Variants in ZPBP observed in about 807,000 individuals in gnomAD.
ZPBP encodes zona pellucida binding protein.
A neutral mutation model predicts 44.8 loss-of-function variants in ZPBP; 26 were observed. The ratio of observed to expected loss-of-function variants is 0.58; its 90% CI spans 0.43 to 0.81. The LOEUF is 0.81. Ranked by LOEUF, ZPBP falls within the 30% of genes least tolerant of loss-of-function variation. ZPBP has a pLI of 0.00. For synonymous variants in ZPBP, 174 were observed against 153.2 expected, an observed-to-expected ratio of 1.14 and a Z score of -1.00; for missense variants, 409 against 434.0, an observed-to-expected ratio of 0.94 and a Z score of 0.51.
intron 2 of ZPBP, among the ~76,000 whole-genome samples, chr7:49,889,497 A>T (rs1029140751): frequency 6.6e-6 from 1 of 152,236 alleles, no homozygotes; most frequent in Admixed American, 6.5e-5. Flanking sequence ...GGCAGCTAAG[A>T]CATTGAAATG....
At chr7:49,919,582 T>A (rs1793913855) in intron 1 of ZPBP, 1 of 152,180 alleles carries the variant, frequency 6.6e-6, no homozygotes, top group Non-Finnish European at 1.5e-5. Context: ...CAAACCCCAA[T>A]TTAATTTAAT....
At chr7:49,949,935 G>A (rs778547698) in intron 7 of ZPBP, among the ~76,000 whole-genome samples, 7 of 151,874 alleles carry the variant, frequency 4.6e-5, no homozygotes, top group African/African-American at 1.7e-4. Context: ...TGTTGGAAAT[G>A]TATTAATAAA....
chr7:50,018,287 T>C lies in ZPBP; in HGVS notation c.736A>G (p.Lys246Glu), dbSNP rs774815965. Residue 246 changes from lysine to glutamate, a missense_variant, in exon 6 of 8, where the codon AAG (lysine) becomes GAG (glutamate). Transcript: ENST00000046087. ...TCACAGTTATGGTCTGTACATCGCT[T>C]GGGTCCTTTTTCAGTGTCTAGAGAT... is the stretch of plus-strand genomic sequence containing the variant. ...VSSLDTEKGP[K>E]RCTDHNCEPY... The C allele has an allele frequency of 7.5e-5, 120 of 1,610,372 alleles. No individual in the cohort carries two copies. Among genetic ancestry groups the C allele is most frequent in the Non-Finnish European group, 1.0e-4 (119 of 1,178,718 alleles).
At chr7:49,958,603 A>C (rs568694013) in intron 7 of ZPBP, among the ~76,000 whole-genome samples, 222 of 152,282 alleles carry the variant, frequency 1.5e-3, no homozygotes, top group Non-Finnish European at 2.9e-3. Context: ...CAGACCCTTG[A>C]TCTTAGACTT....
chr7:50,000,653 C>CA (rs1306421549), intron 6 of ZPBP, among the ~76,000 whole-genome samples: 2 of 152,170 alleles, frequency 1.3e-5, no homozygotes, highest in Non-Finnish European at 2.9e-5. Context: ...CAGCAAATCT[C>CA]AGCTTCATTC....
chr7:49,954,117 C>T (rs527673974), intron 7 of ZPBP, among the ~76,000 whole-genome samples: 19 of 152,042 alleles, frequency 1.2e-4, no homozygotes, highest in African/African-American at 4.6e-4. Context: ...ACTATATAGC[C>T]CAATGGAACA....
chr7:49,896,928 G>A (rs1376047998), intron 2 of ZPBP, among the ~76,000 whole-genome samples: 2 of 124,600 alleles, frequency 1.6e-5, no homozygotes, highest in East Asian at 2.3e-4. Context: ...TCGCTCTGTC[G>A]CCCAGGCCGG....
intron 3 of ZPBP, among the ~76,000 whole-genome samples, chr7:50,064,205 T>C (rs1801392499): frequency 6.6e-6 from 1 of 152,102 alleles, no homozygotes; most frequent in Non-Finnish European, 1.5e-5. Flanking sequence ...CAGCAAGTTT[T>C]TATTAGGGAT....
chr7:49,902,365 C>A (rs1243569282), intron 1 of ZPBP, among the ~76,000 whole-genome samples: 1 of 151,916 alleles, frequency 6.6e-6, no homozygotes, highest in Non-Finnish European at 1.5e-5. Context: ...CATTTAAAAT[C>A]TATTGTATTG....
At chr7:49,994,564 A>G (rs529333533) in intron 6 of ZPBP, among the ~76,000 whole-genome samples, 56 of 152,326 alleles carry the variant, frequency 3.7e-4, no homozygotes, top group Non-Finnish European at 6.8e-4. Context: ...CTCAGGTCAC[A>G]TGGTAACCTG....
In ZPBP at chr7:49,862,858, G is replaced by T. The variant is rs1790713477; in HGVS notation, n.510-12344C>A. ...TGTATAATCCTTTTAATATGCTGTT[G>T]TATTCACTTTGCTACTGTTTCACTG... On this transcript the variant is annotated intron_variant and non_coding_transcript_variant, in intron 2 of 2. Coordinates refer to the ZPBP transcript ENST00000465922. Among the ~76,000 whole-genome samples, 2 of 151,830 alleles carry T rather than the reference G, an allele frequency of 1.3e-5. 1 individual carries two copies. Among genetic ancestry groups the T allele is most frequent in the South Asian group, 4.2e-4 (2 of 4,818 alleles).
intron 6 of ZPBP, among the ~76,000 whole-genome samples, chr7:50,010,920 A>C (rs1445488719): frequency 6.6e-6 from 1 of 151,676 alleles, no homozygotes; most frequent in South Asian, 2.1e-4. Flanking sequence ...AAAAAAAAAA[A>C]AAAAAAAACA....
chr7:49,983,299 A>C (rs1465213848), intron 7 of ZPBP, 43 bp downstream of exon 7: 1 of 1,585,028 alleles, frequency 6.3e-7, no homozygotes, highest in African/African-American at 1.3e-5. Context: ...AAACACATAA[A>C]TTTTCAACAA....
intron 5 of ZPBP, among the ~76,000 whole-genome samples, chr7:50,021,280 T>C (rs1458674782): frequency 1.3e-5 from 2 of 151,872 alleles, no homozygotes; most frequent in Non-Finnish European, 2.9e-5. Context: ...AAGAACTAAA[T>C]AGGGAAAATG....
chr7:49,898,409 C>T (rs867886840), intron 2 of ZPBP, among the ~76,000 whole-genome samples: 1 of 151,792 alleles, frequency 6.6e-6, no homozygotes, highest in Middle Eastern at 3.4e-3. Context: ...TTTTCTTTCT[C>T]GCTAAAGAAC....
chr7:49,955,467 G>A (rs923043098), intron 7 of ZPBP, among the ~76,000 whole-genome samples: 1 of 152,054 alleles, frequency 6.6e-6, no homozygotes, highest in Non-Finnish European at 1.5e-5. Context: ...AGAGGCAGGA[G>A]AATCACCTGA....
intron 3 of ZPBP, among the ~76,000 whole-genome samples, chr7:50,065,842 A>T (rs1801476429): frequency 6.6e-6 from 1 of 150,982 alleles, no homozygotes; most frequent in Non-Finnish European, 1.5e-5. Context: ...TCTTTTTGAC[A>T]ATTAGTAGTG....
chr7:49,980,372 T>A (rs1438353034), intron 7 of ZPBP, among the ~76,000 whole-genome samples: 1 of 144,664 alleles, frequency 6.9e-6, no homozygotes, highest in Non-Finnish European at 1.5e-5. Flanking sequence ...TTTTCAGTCT[T>A]AAAAGAGTTT....
chr7:50,041,745 C>G (rs1249697183), intron 4 of ZPBP, among the ~76,000 whole-genome samples: 1 of 152,070 alleles, frequency 6.6e-6, no homozygotes, highest in Admixed American at 6.5e-5. Flanking sequence ...CTGAAAATTC[C>G]AAAAACCAGA....
Sources: allele counts gnomAD v4.1 joint callset (sites outside exome capture counted in the v4.1 genomes callset), GRCh38; gene constraint gnomAD v4.1.1; transcripts MANE v1.5; gene names NCBI Gene and HGNC (gene_info 2026-07-23, HGNC 2026-07-21).